BANP: variants seen among roughly 807,000 people sequenced by gnomAD.
The protein encoded by BANP is BTG3 associated nuclear protein, also known as protein BANP.
Under a neutral mutation model 68.1 loss-of-function variants are expected in BANP, and 11 were observed. The observed-to-expected ratio is 0.16, with a 90% CI of 0.10 to 0.27. The LOEUF (loss-of-function observed/expected upper bound fraction) is 0.27, where lower values mean the gene tolerates loss of function less well. Ranked by LOEUF, BANP falls within the 10% of genes least tolerant of loss-of-function variation. The pLI is 1.00. For missense variants in BANP, 504 were observed against 722.7 expected (o/e 0.70, Z 3.47); for synonymous variants, 329 against 303.2 (o/e 1.09, Z -0.88).
intron 2 of BANP, chr16:87,978,591 T>C (rs1157709561): frequency 1.1e-5 from 5 of 469,646 alleles, no homozygotes; most frequent in South Asian, 4.7e-5. Flanking sequence ...AGATGGTTGA[T>C]GCGCTCCCTG....
intron 1 of BANP, chr16:87,952,381 G>A (rs2057116491): frequency 6.6e-6 from 1 of 152,236 alleles, no homozygotes; most frequent in Non-Finnish European, 1.5e-5. Flanking sequence ...TGACCGGGGA[G>A]GGCCCGGGTC....
At chr16:88,062,025 C>G (rs893304582) in intron 11 of BANP, among the ~76,000 whole-genome samples, 1 of 152,192 alleles carries the variant, frequency 6.6e-6, no homozygotes, top group African/African-American at 2.4e-5. Context: ...GAAAAAGGCA[C>G]CTTGGTTACA....
In BANP at chr16:88,033,231, G is replaced by A. The variant is rs2078587230; in HGVS notation, c.1186G>A (p.Gly396Arg). ...GCAGATCCACCAGATCGGAGAAGACGGACAGGTGCAAGTAGTACGTACCCT... is the reference window on the plus strand; with the variant it reads ...GCAGATCCACCAGATCGGAGAAGACAGACAGGTGCAAGTAGTACGTACCCT... ...QVQIHQIGEDGQVQVIPQGHL... is the reference protein window; with the variant it reads ...QVQIHQIGEDRQVQVIPQGHL... Residue 396 changes from glycine (G) to arginine (R), a missense_variant, in exon 9 of 14, where the codon GGA becomes AGA. Transcript: ENST00000682872. 1 of 1,603,928 alleles carries A rather than the reference G, an allele frequency of 6.2e-7. No individual in the cohort carries two copies. The highest frequency in any genetic ancestry group is 8.5e-7 in the Non-Finnish European group (1 of 1,172,884).
chr16:88,039,292 T>C (rs55675163), intron 11 of BANP, among the ~76,000 whole-genome samples: 9,493 of 146,948 alleles, frequency 0.065, 696 homozygotes, highest in South Asian at 0.23. Flanking sequence ...AGTTGTGGCT[T>C]TGTGCTCACT....
At chr16:87,987,794 C>G (rs564693662) in intron 4 of BANP, among the ~76,000 whole-genome samples, 182 of 142,776 alleles carry the variant, frequency 1.3e-3, no homozygotes, top group African/African-American at 4.1e-3. Context: ...AAAAGGCAGT[C>G]TCACTCTGTG....
chr16:87,987,466 A>C (rs1020658858), intron 4 of BANP, among the ~76,000 whole-genome samples: 1 of 152,062 alleles, frequency 6.6e-6, no homozygotes, highest in African/African-American at 2.4e-5. Context: ...GCTCACACCT[A>C]TAATTCCAGC....
At chr16:87,953,235 G>C (rs1319580258) in intron 1 of BANP, among the ~76,000 whole-genome samples, 1 of 151,916 alleles carries the variant, frequency 6.6e-6, no homozygotes, top group Non-Finnish European at 1.5e-5. Context: ...TCAATATAAT[G>C]TATACAATAG....
At chr16:87,974,567 G>A (rs955182226) in intron 1 of BANP, among the ~76,000 whole-genome samples, 1 of 152,196 alleles carries the variant, frequency 6.6e-6, no homozygotes, top group African/African-American at 2.4e-5. Context: ...GTGCAGCTGG[G>A]AGAAACTTGG....
chr16:88,072,745 G>A (rs4075181), intron 13 of BANP, among the ~76,000 whole-genome samples: 36,035 of 152,278 alleles, frequency 0.24, 4,651 homozygotes, highest in East Asian at 0.47. Context: ...AATCTCCAGC[G>A]TGGCCGAGGC....
At chr16:88,013,418 T>C (rs1335436781) in intron 6 of BANP, among the ~76,000 whole-genome samples, 1 of 144,558 alleles carries the variant, frequency 6.9e-6, no homozygotes, top group Non-Finnish European at 1.5e-5. Flanking sequence ...CCCGCACCCA[T>C]CAGAGCTCAG....
At chr16:87,998,409 C>T (rs1157386040) in intron 4 of BANP, among the ~76,000 whole-genome samples, 2 of 150,036 alleles carry the variant, frequency 1.3e-5, no homozygotes, top group Non-Finnish European at 3.0e-5. Context: ...AGCTTCTCTG[C>T]GTGGGCTGCT....
intron 4 of BANP, among the ~76,000 whole-genome samples, chr16:87,995,699 G>C (rs567854781): frequency 2.6e-4 from 40 of 152,382 alleles, no homozygotes; most frequent in Non-Finnish European, 4.6e-4. Context: ...ATATACATCA[G>C]ATATCCTGAT....
chr16:87,973,938 A>T (rs889356092), intron 1 of BANP, among the ~76,000 whole-genome samples: 9 of 152,124 alleles, frequency 5.9e-5, no homozygotes, highest in African/African-American at 2.2e-4. Flanking sequence ...AGTTGTGAAT[A>T]GACTCAAGAG....
chr16:88,040,386 A>C (rs1365880945), intron 11 of BANP, among the ~76,000 whole-genome samples: 4 of 152,122 alleles, frequency 2.6e-5, no homozygotes, highest in Non-Finnish European at 4.4e-5. Context: ...AGCACAGAGA[A>C]GCCCACTCGC....
At chr16:87,962,509 G>A (rs1286423053) in intron 1 of BANP, among the ~76,000 whole-genome samples, 1 of 152,162 alleles carries the variant, frequency 6.6e-6, no homozygotes, top group African/African-American at 2.4e-5. Flanking sequence ...CCTGAGGCCA[G>A]AAAGTCAGAA....
At chr16:88,035,501 G>T (rs749007218) in intron 10 of BANP, 107 bp downstream of exon 10, 1 of 1,094,836 alleles carries the variant, frequency 9.1e-7, no homozygotes, top group African/African-American at 1.6e-5. Flanking sequence ...CCCAGGACAG[G>T]GAACGTGGGC....
intron 7 of BANP, among the ~76,000 whole-genome samples, chr16:88,020,356 T>TGGC (rs1389539243): frequency 1.3e-5 from 2 of 152,214 alleles, no homozygotes; most frequent in Non-Finnish European, 2.9e-5. Context: ...GGGCATGGCG[T>TGGC]GGCCAGGAGC....
At chr16:87,988,404 C>T (rs2065008076) in intron 4 of BANP, among the ~76,000 whole-genome samples, 1 of 151,872 alleles carries the variant, frequency 6.6e-6, no homozygotes, top group Admixed American at 6.6e-5. Context: ...GCTGGGATTA[C>T]AGGTGCAGGC....
intron 4 of BANP, among the ~76,000 whole-genome samples, chr16:87,993,940 C>T (rs1199582777): frequency 6.6e-6 from 1 of 151,886 alleles, no homozygotes; most frequent in Non-Finnish European, 1.5e-5. Flanking sequence ...AAATGCTTCT[C>T]CGGGCTCATT....
Sources: gnomAD v4.1 joint callset for allele counts (sites outside exome capture counted in the v4.1 genomes callset) on GRCh38, gnomAD v4.1.1 for gene constraint, MANE v1.5 for transcripts, NCBI Gene and HGNC (gene_info 2026-07-23, HGNC 2026-07-21) for gene names.